DENND1A: variants seen among roughly 807,000 people sequenced by gnomAD.
The protein encoded by DENND1A is DENN domain-containing protein 1A.
DENND1A carries 51 observed loss-of-function variants against 113.7 expected under a neutral mutation model. That is an observed-to-expected ratio of 0.45 (90% CI 0.36 to 0.57). DENND1A has a LOEUF of 0.57. DENND1A is among the 20% of genes least tolerant of loss of function. DENND1A has a pLI of 0.00. For synonymous variants in DENND1A, 565 were observed against 570.8 expected, an observed-to-expected ratio of 0.99 and a Z score of 0.14; for missense variants, 1,258 against 1,395.9, an observed-to-expected ratio of 0.90 and a Z score of 1.57.
chr9:123,549,293 C>CAGCAAGACACTATTAAATAA (rs2056897159), intron 13 of DENND1A, among the ~76,000 whole-genome samples: 1 of 152,118 alleles, frequency 6.6e-6, no homozygotes, highest in Non-Finnish European at 1.5e-5. Flanking sequence ...CTGTACTGTA[C>CAGCAAGACACTATTAAATAA]ATAGTGTCTT....
chr9:123,688,169 G>A (rs564007310), intron 5 of DENND1A, among the ~76,000 whole-genome samples: 77 of 152,272 alleles, frequency 5.1e-4, no homozygotes, highest in African/African-American at 1.8e-3. Context: ...TGGCAAAACT[G>A]ACACCCAGAA....
At chr9:123,403,631 A>G in intron 20 of DENND1A, 141 bp from the exon 21 acceptor site, 1 of 705,192 alleles carries the variant, frequency 1.4e-6, no homozygotes, top group African/African-American at 1.8e-5. Context: ...AGCCCAGCCT[A>G]TCACAGAAAC....
intron 18 of DENND1A, among the ~76,000 whole-genome samples, chr9:123,442,510 G>C (rs1176907272): frequency 6.6e-6 from 1 of 152,100 alleles, no homozygotes; most frequent in Non-Finnish European, 1.5e-5. Context: ...AGATAGATAT[G>C]AGAGAATGAA....
At chr9:123,697,854 C>A (rs2065625498) in intron 5 of DENND1A, among the ~76,000 whole-genome samples, 1 of 152,088 alleles carries the variant, frequency 6.6e-6, no homozygotes, top group African/African-American at 2.4e-5. Context: ...GTACATAAGC[C>A]TTTAACATGG....
intron 13 of DENND1A, among the ~76,000 whole-genome samples, chr9:123,521,707 A>C (rs868797409): frequency 3.6e-4 from 55 of 152,340 alleles, no homozygotes; most frequent in Middle Eastern, 6.8e-3. Flanking sequence ...CAATGAAAAG[A>C]ACACAGGTCT....
At chr9:123,917,572 C>T (rs1855387341) in intron 1 of DENND1A, among the ~76,000 whole-genome samples, 1 of 152,070 alleles carries the variant, frequency 6.6e-6, no homozygotes, top group Admixed American at 6.6e-5. Context: ...ATGCAATTTA[C>T]CTTTAAAAAC....
chr9:123,437,775 C>T (rs1050604549), intron 19 of DENND1A: 4 of 152,068 alleles, frequency 2.6e-5, no homozygotes. Flanking sequence ...TAAAATGGGG[C>T]TAATGGTCCC....
At chr9:123,399,261 A>G (rs1268414752) in intron 21 of DENND1A, among the ~76,000 whole-genome samples, 2 of 152,166 alleles carry the variant, frequency 1.3e-5, no homozygotes, top group Non-Finnish European at 2.9e-5. Context: ...AGCCGATCCT[A>G]CCATTTTCTG....
Position 123,747,843 on chromosome 9 carries a change from A to G in DENND1A, c.302+9860T>C, listed in dbSNP as rs552869533. 3.3e-5 allele frequency among the ~76,000 whole-genome samples: 5 copies of G among 152,294 alleles called. No homozygotes were observed. The South Asian group carries it at 8.3e-4, about 25-fold the overall frequency. ...AAATACGGAAACGTAAACTCAACAC[A>G]TTATTTGCCACTTGATTTTAACCAA... On this transcript the variant is annotated intron_variant, in intron 5 of 23. Coordinates refer to ENST00000394215, the MANE Select transcript of DENND1A (RefSeq NM_001352964.2).
chr9:123,483,325 C>A (rs528688835), intron 13 of DENND1A, among the ~76,000 whole-genome samples: 2 of 152,196 alleles, frequency 1.3e-5, no homozygotes, highest in Non-Finnish European at 2.9e-5. Flanking sequence ...GCTGGCATGC[C>A]GATGGTGGTC....
chr9:123,725,869 C>A (rs1042462396), intron 5 of DENND1A, among the ~76,000 whole-genome samples: 1 of 152,208 alleles, frequency 6.6e-6, no homozygotes, highest in East Asian at 1.9e-4. Flanking sequence ...TGAGGAAATA[C>A]CTACGTGGCC....
At chr9:123,514,879 T>C (rs975111127) in intron 13 of DENND1A, among the ~76,000 whole-genome samples, 13 of 152,162 alleles carry the variant, frequency 8.5e-5, no homozygotes, top group Admixed American at 7.2e-4. Flanking sequence ...TATCACTCCC[T>C]ACTAAAAGGA....
chr9:123,407,749 T>A (rs1588375865), intron 20 of DENND1A, among the ~76,000 whole-genome samples: 2 of 152,098 alleles, frequency 1.3e-5, no homozygotes, highest in Admixed American at 1.3e-4. Flanking sequence ...AGGGGAAACT[T>A]GGGAAGCCAG....
At chr9:123,699,095 C>CGACT (rs1175816384) in intron 5 of DENND1A, among the ~76,000 whole-genome samples, 3 of 112,136 alleles carry the variant, frequency 2.7e-5, no homozygotes, top group African/African-American at 1.2e-4. Context: ...TTAATGGAGC[C>CGACT]AACTAAAGAG....
chr9:123,456,208 A>G lies in DENND1A; in HGVS notation c.1186+1140T>C, dbSNP rs545673389. Reference sequence around the variant, plus strand: ...TGCTCTGTGAGCTTACAAACTGCCAATTGGATTATCACAGTAGTCCAGAAT... The same window carrying G: ...TGCTCTGTGAGCTTACAAACTGCCAGTTGGATTATCACAGTAGTCCAGAAT... On this transcript the variant is annotated intron_variant, in intron 15 of 23. Transcript: ENST00000394215. 7.7e-5 allele frequency among the ~76,000 whole-genome samples: 11 copies of G among 142,454 alleles called. No homozygotes were observed. In the South Asian group the frequency reaches 1.6e-3, roughly 21 times the overall value. 93.5% of individuals were successfully genotyped at this position (142,454 alleles called of 152,430 possible). A position where few individuals can be genotyped will look rare whatever the true frequency, so the allele number is the denominator to read the frequency against.
At chr9:123,605,339 C>T (rs1228645906) in intron 11 of DENND1A, among the ~76,000 whole-genome samples, 2 of 152,130 alleles carry the variant, frequency 1.3e-5, no homozygotes, top group Non-Finnish European at 2.9e-5. Context: ...AGGAGAAGCA[C>T]CATCGACCAG....
chr9:123,881,020 G>T (rs1812100288), intron 1 of DENND1A, among the ~76,000 whole-genome samples: 1 of 152,114 alleles, frequency 6.6e-6, no homozygotes, highest in Admixed American at 6.5e-5. Flanking sequence ...TATTTCGGGG[G>T]TGTAAAATCG....
intron 13 of DENND1A, among the ~76,000 whole-genome samples, chr9:123,490,026 C>T (rs923125177): frequency 1.3e-5 from 2 of 152,158 alleles, no homozygotes; most frequent in African/African-American, 4.8e-5. Flanking sequence ...TAGGCTGAAA[C>T]TAACAAGTTG....
intron 13 of DENND1A, among the ~76,000 whole-genome samples, chr9:123,494,343 G>C (rs976089566): frequency 6.6e-6 from 1 of 152,174 alleles, no homozygotes; most frequent in African/African-American, 2.4e-5. Flanking sequence ...GGAGGTCCTG[G>C]GAATACACCC....
Sources: gnomAD v4.1 joint callset for allele counts (sites outside exome capture counted in the v4.1 genomes callset) on GRCh38, gnomAD v4.1.1 for gene constraint, MANE v1.5 for transcripts, NCBI Gene and HGNC (gene_info 2026-07-23, HGNC 2026-07-21) for gene names.